The following MTHFS variants were observed in gnomAD, a reference collection of about 807,000 sequenced individuals.
MTHFS encodes the protein 5-formyltetrahydrofolate cyclo-ligase.
In MTHFS, 7 loss-of-function variants were observed where a neutral mutation model predicts 12.7. The ratio of observed to expected loss-of-function variants is 0.55; its 90% CI spans 0.31 to 1.03. The LOEUF (loss-of-function observed/expected upper bound fraction) is 1.03, where lower values mean the gene tolerates loss of function less well. Among genes scored for constraint, MTHFS ranks in the 50% least tolerant of loss-of-function variants. The pLI is 0.05. For missense variants in MTHFS, 252 were observed against 258.1 expected (o/e 0.98, Z 0.16); for synonymous variants, 100 against 97.1 (o/e 1.03, Z -0.18).
chr15:79,861,893 C>A (rs1188826257), intron 2 of MTHFS, among the ~76,000 whole-genome samples: 3 of 152,108 alleles, frequency 2.0e-5, no homozygotes, highest in Non-Finnish European at 4.4e-5. Flanking sequence ...ATATATATAT[C>A]TAGAAGGATA....
intron 2 of MTHFS, among the ~76,000 whole-genome samples, chr15:79,879,000 C>T (rs1196407110): frequency 2.0e-5 from 3 of 151,942 alleles, no homozygotes; most frequent in African/African-American, 7.3e-5. Context: ...CTGAAACAGA[C>T]TGTACTAAAT....
intron 1 of MTHFS, among the ~76,000 whole-genome samples, chr15:79,891,381 A>T (rs953100165): frequency 1.3e-5 from 2 of 152,246 alleles, no homozygotes; most frequent in African/African-American, 4.8e-5. Flanking sequence ...ATGGACAAAC[A>T]GGACAGATAA....
At chr15:79,856,179 G>A (rs1277473323) in intron 2 of MTHFS, among the ~76,000 whole-genome samples, 1 of 152,082 alleles carries the variant, frequency 6.6e-6, no homozygotes, top group Non-Finnish European at 1.5e-5. Flanking sequence ...ACCAGCATTT[G>A]TTATTTTTTG....
rs113156562 is a variant in MTHFS at position 79,845,151 on chromosome 15, C to T, written c.*59G>A. On this transcript the variant is annotated 3_prime_UTR_variant, in exon 3 of 3. Transcript: ENST00000258874. ...ACTAATTTTTGACAAGGGAAAAATA[C>T]ACATACTTTGCTTTACTCTCATATA... 706 of 1,585,418 alleles carry T rather than the reference C, an allele frequency of 4.5e-4. 4 individuals are homozygous for T. Among genetic ancestry groups the T allele is most frequent in the Non-Finnish European group, 8.8e-5 (102 of 1,163,528 alleles).
chr15:79,881,736 G>C (rs2034297661), intron 2 of MTHFS, among the ~76,000 whole-genome samples: 1 of 152,180 alleles, frequency 6.6e-6, no homozygotes, highest in Non-Finnish European at 1.5e-5. Context: ...ATGCTGTCAA[G>C]AGAGAGAAAA....
Position 79,889,351 on chromosome 15 carries a change from T to G in MTHFS, c.121A>C (p.Ile41Leu). 1 of 1,612,338 alleles carries G rather than the reference T, an allele frequency of 6.2e-7. No individual in the cohort carries two copies. Among genetic ancestry groups the G allele is most frequent in the Non-Finnish European group, 8.5e-7 (1 of 1,178,802 alleles). The change falls in exon 2 of 3, where the codon ATT becomes CTT. Residue 41 changes from isoleucine to leucine, a missense_variant. Coordinates refer to ENST00000258874, the MANE Select transcript of MTHFS (RefSeq NM_006441.4). ...RQSRVLSQKVIAHSEYQKSKR... is the reference protein window; with the variant it reads ...RQSRVLSQKVLAHSEYQKSKR... Reference sequence around the variant, plus strand: ...GACTTTTGATACTCACTGTGGGCAATCACCTAAATGGGAAATTATGGCAAT... The same window carrying G: ...GACTTTTGATACTCACTGTGGGCAAGCACCTAAATGGGAAATTATGGCAAT...
chr15:79,881,832 G>T (rs908213201), intron 2 of MTHFS, among the ~76,000 whole-genome samples: 1 of 152,196 alleles, frequency 6.6e-6, no homozygotes, highest in Admixed American at 6.5e-5. Context: ...AGAACTGGGT[G>T]ACCTCGCATT....
intron 2 of MTHFS, among the ~76,000 whole-genome samples, chr15:79,868,737 G>A (rs2034053986): frequency 6.6e-6 from 1 of 152,162 alleles, no homozygotes; most frequent in African/African-American, 2.4e-5. Context: ...GGCTCCCCTG[G>A]TTCTCAGTCC....
At chr15:79,859,780 T>A (rs2033877439) in intron 2 of MTHFS, among the ~76,000 whole-genome samples, 1 of 133,652 alleles carries the variant, frequency 7.5e-6, no homozygotes, top group East Asian at 2.2e-4. Context: ...ATTGTGCCAC[T>A]GCACTCCAGG....
At chr15:79,856,705 C>T (rs1314786062) in intron 2 of MTHFS, among the ~76,000 whole-genome samples, 1 of 152,060 alleles carries the variant, frequency 6.6e-6, no homozygotes, top group Non-Finnish European at 1.5e-5. Flanking sequence ...TGTGAATATA[C>T]TTAACACTCC....
Position 79,853,826 on chromosome 15 carries a change from T to C in MTHFS, c.380-8384A>G, listed in dbSNP as rs143494607. ...TAGGAAAGCATTCCTCTGTTAGAAA[T>C]AGCCTTTCTCTTTAAAAGGCTCCTT... On this transcript the variant is annotated intron_variant, in intron 2 of 2. Transcript: ENST00000258874. 2.9e-3 allele frequency among the ~76,000 whole-genome samples: 436 copies of C among 152,332 alleles called. 2 individuals carry two copies. The highest frequency in any genetic ancestry group is 9.9e-3 in the African/African-American group (413 of 41,582).
intron 2 of MTHFS, among the ~76,000 whole-genome samples, chr15:79,871,280 T>A (rs902560410): frequency 2.0e-5 from 3 of 151,976 alleles, no homozygotes; most frequent in Non-Finnish European, 4.4e-5. Flanking sequence ...AATGAATGCA[T>A]AATTATGAAG....
intron 2 of MTHFS, among the ~76,000 whole-genome samples, chr15:79,853,750 G>C (rs906705889): frequency 6.6e-6 from 1 of 152,238 alleles, no homozygotes; most frequent in Non-Finnish European, 1.5e-5. Flanking sequence ...GCCTTAGGCA[G>C]AGCAGGAGCC....
chr15:79,894,084 T>C (rs905294988), intron 1 of MTHFS, among the ~76,000 whole-genome samples: 3 of 152,112 alleles, frequency 2.0e-5, no homozygotes, highest in African/African-American at 7.2e-5. Flanking sequence ...TGAAATAGAA[T>C]AGAAAATATT....
At chr15:79,890,301 A>G (rs891629698) in intron 1 of MTHFS, among the ~76,000 whole-genome samples, 1 of 143,356 alleles carries the variant, frequency 7.0e-6, no homozygotes, top group African/African-American at 2.6e-5. Flanking sequence ...CACTGCCTCA[A>G]TCTGCAATCA....
intron 2 of MTHFS, among the ~76,000 whole-genome samples, chr15:79,872,988 G>C (rs16971467): frequency 0.041 from 6,242 of 152,280 alleles, 353 homozygotes; most frequent in East Asian, 0.25. Context: ...GACCATTAGG[G>C]AGACCACAGG....
At chr15:79,850,552 G>A (rs1429533852) in intron 2 of MTHFS, among the ~76,000 whole-genome samples, 1 of 152,180 alleles carries the variant, frequency 6.6e-6, no homozygotes, top group East Asian at 1.9e-4. Flanking sequence ...AACAGGTGGA[G>A]GGCCAGATTT....
At chr15:79,849,566 A>C (rs1381896140) in intron 2 of MTHFS, among the ~76,000 whole-genome samples, 1 of 152,180 alleles carries the variant, frequency 6.6e-6, no homozygotes, top group Non-Finnish European at 1.5e-5. Context: ...ACACACCACA[A>C]GGTCAGAATT....
chr15:79,874,939 C>T (rs1273887346), intron 2 of MTHFS, among the ~76,000 whole-genome samples: 1 of 152,022 alleles, frequency 6.6e-6, no homozygotes, highest in African/African-American at 2.4e-5. Context: ...TGTTTAAACA[C>T]ACATGCTTTA....
Sources: gnomAD v4.1 joint callset for allele counts (sites outside exome capture counted in the v4.1 genomes callset) on GRCh38, gnomAD v4.1.1 for gene constraint, MANE v1.5 for transcripts, NCBI Gene and HGNC (gene_info 2026-07-23, HGNC 2026-07-21) for gene names.